NAALAD2: variants seen among roughly 807,000 people sequenced by gnomAD.
The protein encoded by NAALAD2 is N-acetylated alpha-linked acidic dipeptidase 2, also known as N-acetylated-alpha-linked acidic dipeptidase 2.
A neutral mutation model predicts 95.6 loss-of-function variants in NAALAD2; 89 were observed. The ratio of observed to expected loss-of-function variants is 0.93; its 90% confidence interval spans 0.78 to 1.11. The LOEUF is 1.11. Among genes scored for constraint, NAALAD2 ranks in the 50% least tolerant of loss-of-function variants. NAALAD2 has a pLI of 0.00. For synonymous variants in NAALAD2, 264 were observed against 294.4 expected, an observed-to-expected ratio of 0.90 and a Z score of 1.06; for missense variants, 894 against 872.4, an observed-to-expected ratio of 1.02 and a Z score of -0.31.
intron 2 of NAALAD2, among the ~76,000 whole-genome samples, chr11:90,143,767 T>C (rs1951679284): frequency 6.6e-6 from 1 of 152,206 alleles, no homozygotes; most frequent in African/African-American, 2.4e-5. Flanking sequence ...TTTTCAACTT[T>C]ATGATGGATT....
intron 2 of NAALAD2, among the ~76,000 whole-genome samples, chr11:90,141,718 G>A (rs1347685253): frequency 6.6e-6 from 1 of 152,084 alleles, no homozygotes; most frequent in Non-Finnish European, 1.5e-5. Flanking sequence ...CCAGAGTTCT[G>A]GGATTACAAA....
chr11:90,171,617 A>T (rs1390871446), intron 13 of NAALAD2, among the ~76,000 whole-genome samples: 1 of 152,174 alleles, frequency 6.6e-6, no homozygotes, highest in African/African-American at 2.4e-5. Flanking sequence ...GTACAAAGAT[A>T]AATTCTTATC....
At chr11:90,155,833 G>A (rs1210303395) in intron 6 of NAALAD2, among the ~76,000 whole-genome samples, 6 of 107,730 alleles carry the variant, frequency 5.6e-5, no homozygotes, top group Admixed American at 5.5e-4. Flanking sequence ...TGTAATATAT[G>A]TAATATATAT....
At chr11:90,159,524 A>T (rs1357712181) in intron 8 of NAALAD2, among the ~76,000 whole-genome samples, 187 bp downstream of exon 8, 1 of 152,226 alleles carries the variant, frequency 6.6e-6, no homozygotes, top group Non-Finnish European at 1.5e-5. Flanking sequence ...TCACAATATT[A>T]GTTTCACAGA....
At chr11:90,134,486 G>A (rs1951405224), upstream of NAALAD2, 3 of 437,134 alleles carry the variant, frequency 6.9e-6, no homozygotes, top group Non-Finnish European at 1.2e-5. Context: ...AGCAGCTCCC[G>A]CCACCTACTA....
chr11:90,135,494 A>G (rs1951431657), intron 1 of NAALAD2, 65 bp from the exon 2 acceptor site: 1 of 1,134,450 alleles, frequency 8.8e-7, no homozygotes, highest in Non-Finnish European at 1.3e-6. Flanking sequence ...GGTGGCTTCT[A>G]GTTTTAATAA....
intron 16 of NAALAD2, among the ~76,000 whole-genome samples, chr11:90,178,606 G>C (rs1952871723): frequency 1.3e-5 from 2 of 151,750 alleles, no homozygotes; most frequent in South Asian, 4.2e-4. Context: ...GGGAGGCAGA[G>C]CTTGCAGTGA....
chr11:90,145,218 T>C (rs1385950161), intron 2 of NAALAD2, among the ~76,000 whole-genome samples: 1 of 152,172 alleles, frequency 6.6e-6, no homozygotes, highest in African/African-American at 2.4e-5. Flanking sequence ...TCTCCTGAAG[T>C]TACTGGGTGA....
rs1857009584 is a variant in NAALAD2, at chr11:90,182,975, A to G, written c.2000A>G (p.Asp667Gly). 1 of 1,613,016 alleles carries G rather than the reference A, an allele frequency of 6.2e-7. No homozygotes were observed. Among genetic ancestry groups the G allele is most frequent in the Non-Finnish European group, 8.5e-7 (1 of 1,179,168 alleles). Reference sequence around the variant, plus strand: ...ATGCTCCTGGAAAGAGCATTCATCGATCCTCTTGGTTTACCAGGAAAGCTG... The same window carrying G: ...ATGCTCCTGGAAAGAGCATTCATCGGTCCTCTTGGTTTACCAGGAAAGCTG... Reference protein sequence around the residue: ...QLMLLERAFIDPLGLPGKLFY... With the variant: ...QLMLLERAFIGPLGLPGKLFY... The change falls in exon 18 of 19, where the codon GAT (aspartate) becomes GGT (glycine). Residue 667 changes from aspartate (D) to glycine (G), a missense_variant. Coordinates refer to ENST00000534061, the MANE Select transcript of NAALAD2 (RefSeq NM_005467.4).
intron 15 of NAALAD2, among the ~76,000 whole-genome samples, chr11:90,176,948 CT>C (rs1431704189): frequency 1.3e-5 from 2 of 152,106 alleles, no homozygotes; most frequent in African/African-American, 2.4e-5. Flanking sequence ...GGCCTGTTCA[CT>C]TTTATACTCT....
At chr11:90,152,721 T>G (rs554221382) in intron 6 of NAALAD2, among the ~76,000 whole-genome samples, 39 of 152,222 alleles carry the variant, frequency 2.6e-4, no homozygotes, top group Admixed American at 3.9e-4. Flanking sequence ...CCTTCTTCCT[T>G]TATTAGAGTT....
Position 90,191,629 on chromosome 11 carries a change from T to A in NAALAD2, c.2105T>A (p.Ile702Asn). 6.2e-7 allele frequency: 1 copy of A among 1,607,996 alleles called. No homozygotes were observed. The highest frequency in any genetic ancestry group is 1.1e-5 in the South Asian group (1 of 89,428). The change falls in exon 19 of 19, where the codon ATC (isoleucine) becomes AAC (asparagine). Residue 702 changes from isoleucine (I) to asparagine (N), a missense_variant. Transcript: ENST00000534061. ...TCATTTCCTGGAATCTATGATGCTA[T>A]CTTTGATATTGAAAATAAAGCCAAC... is the stretch of plus-strand genomic sequence containing the variant. Reference protein sequence around the residue: ...GESFPGIYDAIFDIENKANSR... With the variant: ...GESFPGIYDANFDIENKANSR...
chr11:90,171,173 T>C (rs950131457), intron 13 of NAALAD2, among the ~76,000 whole-genome samples: 1 of 152,224 alleles, frequency 6.6e-6, no homozygotes, highest in African/African-American at 2.4e-5. Context: ...ATTTAATATC[T>C]GTGAACATCA....
At chr11:90,188,116 A>T (rs1857216025) in intron 18 of NAALAD2, among the ~76,000 whole-genome samples, 1 of 152,176 alleles carries the variant, frequency 6.6e-6, no homozygotes, top group Non-Finnish European at 1.5e-5. Context: ...TGACCCCTTT[A>T]ATTGGCCAAA....
chr11:90,163,255 CA>C, intron 9 of NAALAD2, 54 bp from the exon 10 acceptor site: 1 of 1,529,666 alleles, frequency 6.5e-7, no homozygotes, highest in South Asian at 1.2e-5. Context: ...ACATAAATTA[CA>C]AATATTTATA....
chr11:90,177,063 A>G (rs1015322081), intron 15 of NAALAD2, among the ~76,000 whole-genome samples: 3 of 152,198 alleles, frequency 2.0e-5, no homozygotes, highest in Non-Finnish European at 4.4e-5. Flanking sequence ...ATTGCTTTTT[A>G]GTGATACTAA....
intron 6 of NAALAD2, 29 bp from the exon 7 acceptor site, chr11:90,158,116 T>G: frequency 6.8e-7 from 1 of 1,476,778 alleles, no homozygotes; most frequent in Non-Finnish European, 9.4e-7. Flanking sequence ...TTTTAAATTG[T>G]TTTCATTTTA....
At chr11:90,149,321 T>A (rs1336579728) in intron 4 of NAALAD2, among the ~76,000 whole-genome samples, 1 of 152,080 alleles carries the variant, frequency 6.6e-6, no homozygotes, top group African/African-American at 2.4e-5. Context: ...ACAAAACAAA[T>A]ACATTAAAAA....
chr11:90,138,122 A>T (rs550944062), intron 2 of NAALAD2, among the ~76,000 whole-genome samples: 3 of 152,240 alleles, frequency 2.0e-5, no homozygotes, highest in Non-Finnish European at 4.4e-5. Context: ...TGTATTTTGT[A>T]TATGTATTAT....
Sources: allele counts gnomAD v4.1 joint callset (sites outside exome capture counted in the v4.1 genomes callset), GRCh38; gene constraint gnomAD v4.1.1; transcripts MANE v1.5; gene names NCBI Gene and HGNC (gene_info 2026-07-23, HGNC 2026-07-21).